The following SHLD2 variants were observed in gnomAD, a reference collection of about 807,000 sequenced individuals.
SHLD2 encodes RINN1-REV7-interacting novel NHEJ regulator 2.
A neutral mutation model predicts 73.2 loss-of-function variants in SHLD2; 30 were observed. That is an observed-to-expected ratio of 0.41 (90% CI 0.31 to 0.56). The LOEUF is 0.56. Among genes scored for constraint, SHLD2 ranks in the 20% least tolerant of loss-of-function variants. The probability of loss-of-function intolerance (pLI) is 0.28; values close to 1 mark genes in which losing one functional copy is unlikely to be tolerated. For synonymous variants in SHLD2, 285 were observed against 370.1 expected, an observed-to-expected ratio of 0.77 and a Z score of 2.64; for missense variants, 745 against 1,055.9, an observed-to-expected ratio of 0.71 and a Z score of 4.08.
chr10:87,189,315 T>TA (rs940764397), intron 9 of SHLD2, among the ~76,000 whole-genome samples: 56 of 152,364 alleles, frequency 3.7e-4, no homozygotes, highest in African/African-American at 1.2e-3. Flanking sequence ...TCTTCTTTTT[T>TA]GCATAATGTA....
At position 87,101,715 on chromosome 10, in the gene SHLD2, C is replaced by T. The variant is rs187221629; in HGVS notation, c.-6+4726C>T. On this transcript the variant is annotated intron_variant, in intron 2 of 9. Transcript: ENST00000298786. Reference sequence around the variant, plus strand: ...CTTGAGGCCAGGAGTTTCAGATCAGCCTGGCCATCACAGAGAAACCTTGTC... The same window carrying T: ...CTTGAGGCCAGGAGTTTCAGATCAGTCTGGCCATCACAGAGAAACCTTGTC... Among the ~76,000 whole-genome samples the T allele has an allele frequency of 5.6e-3, 850 of 152,236 alleles. 13 individuals are homozygous for T. Among genetic ancestry groups the T allele is most frequent in the African/African-American group, 0.02 (812 of 41,540 alleles).
At chr10:87,181,148 G>C (rs7921116) in intron 8 of SHLD2, among the ~76,000 whole-genome samples, 3 of 151,614 alleles carry the variant, frequency 2.0e-5, no homozygotes, top group African/African-American at 7.3e-5. Context: ...TGGGAGGCCG[G>C]GGTGGGGGGA....
At chr10:87,108,275 C>T (rs756539167) in intron 2 of SHLD2, among the ~76,000 whole-genome samples, 2 of 152,164 alleles carry the variant, frequency 1.3e-5, no homozygotes, top group East Asian at 1.9e-4. Flanking sequence ...TCTCGAACTC[C>T]GGACCTCAGG....
chr10:87,131,480 C>T (rs960968610), intron 2 of SHLD2, among the ~76,000 whole-genome samples: 1 of 152,098 alleles, frequency 6.6e-6, no homozygotes, highest in African/African-American at 2.4e-5. Flanking sequence ...GGCCTTTTGT[C>T]ACATGTTTTC....
At chr10:87,095,018 G>A (rs1841705964), upstream of SHLD2, among the ~76,000 whole-genome samples, 1 of 145,572 alleles carries the variant, frequency 6.9e-6, no homozygotes, top group Non-Finnish European at 1.5e-5. Context: ...TGGCGGCAGC[G>A]CGCGCCGGCG....
intron 2 of SHLD2, among the ~76,000 whole-genome samples, chr10:87,143,928 A>C (rs1435842414): frequency 1.4e-5 from 2 of 145,066 alleles, no homozygotes; most frequent in Non-Finnish European, 3.0e-5. Flanking sequence ...CAGTGACGCG[A>C]TCTTGGCTCA....
intron 2 of SHLD2, among the ~76,000 whole-genome samples, chr10:87,098,830 C>T (rs1398893298): frequency 6.6e-6 from 1 of 152,090 alleles, no homozygotes. Flanking sequence ...GGCTGGAGTG[C>T]GGTGGCACGA....
intron 7 of SHLD2, among the ~76,000 whole-genome samples, chr10:87,178,061 C>G (rs188161006): frequency 0.038 from 5,766 of 151,610 alleles, 127 homozygotes; most frequent in Middle Eastern, 0.059. Context: ...CGTGGTGAAA[C>G]CCTGCCTCTA....
At chr10:87,123,286 T>C (rs374732772) in intron 2 of SHLD2, among the ~76,000 whole-genome samples, 1 of 152,128 alleles carries the variant, frequency 6.6e-6, no homozygotes, top group South Asian at 2.1e-4. Context: ...CTTTCTGTTA[T>C]ATAGTGCTAT....
At chr10:87,165,973 G>C (rs557593838) in intron 4 of SHLD2, among the ~76,000 whole-genome samples, 1 of 152,056 alleles carries the variant, frequency 6.6e-6, no homozygotes, top group Non-Finnish European at 1.5e-5. Flanking sequence ...GAAAGCTTTT[G>C]ATAAAATTCA....
chr10:87,148,874 CCCA>C (rs1203774693), intron 2 of SHLD2, among the ~76,000 whole-genome samples: 1 of 151,470 alleles, frequency 6.6e-6, no homozygotes, highest in Non-Finnish European at 1.5e-5. Context: ...TCTAAGTATT[CCCA>C]CCAACTTTTT....
chr10:87,176,106 T>A lies in SHLD2; in HGVS notation c.2170+11T>A. The stretch of plus-strand genomic sequence containing the variant: ...AGGATAAGTGTTCAGGTAAGATCTT[T>A]ATATACATAAATTCTGCTATTTTTA... On this transcript the variant is annotated intron_variant, in intron 7 of 9. Coordinates refer to ENST00000298786, the MANE Select transcript of SHLD2 (RefSeq NM_001330112.2). 6.5e-7 allele frequency: 1 copy of A among 1,548,300 alleles called. No individual in the cohort carries two copies. The highest frequency in any genetic ancestry group is 8.7e-7 in the Non-Finnish European group (1 of 1,146,764).
chr10:87,177,549 A>G (rs903676334), intron 7 of SHLD2, among the ~76,000 whole-genome samples: 4 of 152,192 alleles, frequency 2.6e-5, no homozygotes, highest in African/African-American at 9.7e-5. Flanking sequence ...ATGTTCAGCT[A>G]TGAGGGCTGA....
intron 2 of SHLD2, among the ~76,000 whole-genome samples, chr10:87,122,569 T>G (rs967803824): frequency 2.0e-5 from 3 of 151,918 alleles, no homozygotes; most frequent in Non-Finnish European, 2.9e-5. Flanking sequence ...AGGACTGTAT[T>G]ATCTCCCTTG....
rs1352995840 is a variant in SHLD2, at chr10:87,191,398, A to G, written c.*715A>G. The G allele has an allele frequency of 2.6e-5, 4 of 153,788 alleles. No individual in the cohort carries two copies. In the East Asian group the frequency reaches 7.7e-4, roughly 30 times the overall value. The allele number at this position is 153,788 out of a possible 1,614,324, so 9.5% of individuals were successfully genotyped here. On this transcript the variant is annotated 3_prime_UTR_variant, in exon 10 of 10. Coordinates refer to ENST00000298786, the MANE Select transcript of SHLD2 (RefSeq NM_001330112.2). Reference sequence around the variant, plus strand: ...AAGTATGGCGTGGTACTTATTCTGTAAGTTCAGAGTATGCTGAGTGTTAAT... The same window carrying G: ...AAGTATGGCGTGGTACTTATTCTGTGAGTTCAGAGTATGCTGAGTGTTAAT...
intron 9 of SHLD2, among the ~76,000 whole-genome samples, chr10:87,190,006 GT>G (rs1216062163): frequency 1.3e-5 from 2 of 152,106 alleles, no homozygotes; most frequent in Non-Finnish European, 2.9e-5. Context: ...TCACTCTGGA[GT>G]GCCTCAATAG....
At chr10:87,182,686 TC>T (rs1301498922) in intron 8 of SHLD2, among the ~76,000 whole-genome samples, 3 of 152,088 alleles carry the variant, frequency 2.0e-5, no homozygotes, top group Non-Finnish European at 4.4e-5. Context: ...CAATTAAGGC[TC>T]CTATTTAGGC....
chr10:87,176,148 G>A (rs1471934531), intron 7 of SHLD2, 53 bp downstream of exon 7: 8 of 1,545,916 alleles, frequency 5.2e-6, no homozygotes, highest in Non-Finnish European at 7.0e-6. Flanking sequence ...TTGAAACAGG[G>A]TCTTGCTCTG....
chr10:87,153,573 A>C (rs1484595511), intron 3 of SHLD2, among the ~76,000 whole-genome samples: 1 of 152,188 alleles, frequency 6.6e-6, no homozygotes, highest in Non-Finnish European at 1.5e-5. Context: ...AGAGTTCTAG[A>C]GTGTTGCCTT....
Sources: allele counts gnomAD v4.1 joint callset (sites outside exome capture counted in the v4.1 genomes callset), GRCh38; gene constraint gnomAD v4.1.1; transcripts MANE v1.5; gene names NCBI Gene and HGNC (gene_info 2026-07-23, HGNC 2026-07-21).